Variants in PRKN observed in about 807,000 individuals in gnomAD.
PRKN encodes the protein parkin RBR E3 ubiquitin protein ligase.
A neutral mutation model predicts 59.5 loss-of-function variants in PRKN; 56 were observed. The observed-to-expected ratio is 0.94, with a 90% CI of 0.76 to 1.18. The LOEUF is 1.18. Among genes scored for constraint, PRKN ranks in the 50% most tolerant of loss-of-function variants. The pLI, the probability that PRKN is intolerant of heterozygous loss-of-function variation, is 0.00. For missense variants in PRKN, 657 were observed against 596.4 expected (o/e 1.10, Z -1.06); for synonymous variants, 250 against 222.1 (o/e 1.13, Z -1.12).
At chr6:161,392,030 G>A (rs1003038828) in intron 9 of PRKN, among the ~76,000 whole-genome samples, 2 of 152,004 alleles carry the variant, frequency 1.3e-5, no homozygotes, top group African/African-American at 2.4e-5. Flanking sequence ...GTGTGTATGT[G>A]TATGTATATT....
At chr6:162,033,452 T>TTA (rs1451347191) in intron 5 of PRKN, among the ~76,000 whole-genome samples, 2 of 152,212 alleles carry the variant, frequency 1.3e-5, no homozygotes, top group African/African-American at 4.8e-5. Context: ...AATGCATACT[T>TTA]TATATATATG....
intron 7 of PRKN, among the ~76,000 whole-genome samples, chr6:161,750,672 CAGG>C (rs1788651961): frequency 6.6e-6 from 1 of 150,904 alleles, no homozygotes; most frequent in African/African-American, 2.4e-5. Context: ...GAGGCTGAGG[CAGG>C]AGAATTGCTT....
At chr6:161,629,202 A>G (rs1562568837) in intron 7 of PRKN, among the ~76,000 whole-genome samples, 1 of 152,178 alleles carries the variant, frequency 6.6e-6, no homozygotes, top group Non-Finnish European at 1.5e-5. Context: ...CGTTTGCTCA[A>G]AAATGGGACC....
chr6:161,695,898 A>G (rs1329806870), intron 7 of PRKN, among the ~76,000 whole-genome samples: 1 of 152,260 alleles, frequency 6.6e-6, no homozygotes, highest in Non-Finnish European at 1.5e-5. Flanking sequence ...ATTTTAAGCA[A>G]ATAGACGATG....
intron 6 of PRKN, among the ~76,000 whole-genome samples, chr6:161,956,014 T>C (rs1018580960): frequency 3.3e-5 from 5 of 152,330 alleles, no homozygotes; most frequent in Admixed American, 1.3e-4. Flanking sequence ...TCAAGACCTG[T>C]TGGTTCAAGT....
At chr6:162,083,548 TAA>T (rs1250216824) in intron 4 of PRKN, among the ~76,000 whole-genome samples, 1 of 152,110 alleles carries the variant, frequency 6.6e-6, no homozygotes, top group Non-Finnish European at 1.5e-5. Context: ...GTAGCATGAA[TAA>T]TGCTTTTTAT....
chr6:162,364,493 A>AAAAG lies in PRKN; in HGVS notation c.171+78813_171+78816dup, dbSNP rs1049837065. 1.2e-4 allele frequency among the ~76,000 whole-genome samples: 18 copies of AAAAG among 152,302 alleles called. 1 individual carries two copies. The highest frequency in any genetic ancestry group is 1.0e-3 in the Admixed American group (16 of 15,290). ...AATAAAAACATAAAATAAATAAAATAAAAGAAAGAAAGAAAGTATCTACTT... is the reference window on the plus strand; with the variant it reads ...AATAAAAACATAAAATAAATAAAATAAAAGAAAGAAAGAAAGAAAGTATCTACTT... On this transcript the variant is annotated intron_variant, in intron 2 of 11. Transcript: ENST00000366898.
intron 1 of PRKN, among the ~76,000 whole-genome samples, chr6:162,631,415 G>A (rs964619344): frequency 6.6e-6 from 1 of 152,124 alleles, no homozygotes; most frequent in Non-Finnish European, 1.5e-5. Context: ...TTCCTTATAA[G>A]AAGGGTGCTT....
At chr6:161,350,803 T>A (rs1012492167) in intron 11 of PRKN, among the ~76,000 whole-genome samples, 3 of 30,494 alleles carry the variant, frequency 9.8e-5, no homozygotes, top group Non-Finnish European at 1.5e-4. Context: ...ATTTAAAATA[T>A]ATATATTTTT....
chr6:161,917,397 C>T (rs762141152), intron 6 of PRKN, among the ~76,000 whole-genome samples: 5 of 152,160 alleles, frequency 3.3e-5, no homozygotes, highest in Non-Finnish European at 7.3e-5. Flanking sequence ...TGAGCCACTG[C>T]ACCCGGCCGA....
At chr6:161,873,987 TGTAAAATATAA>T (rs1562353464) in intron 6 of PRKN, among the ~76,000 whole-genome samples, 8 of 97,090 alleles carry the variant, frequency 8.2e-5, no homozygotes, top group East Asian at 2.4e-4. Context: ...AAAATATATA[TGTAAAATATAA>T]TATATAAAAT....
rs114535238 is a variant in PRKN at position 162,001,237 on chromosome 6, A to T, written c.619-27820T>A. On this transcript the variant is annotated intron_variant, in intron 5 of 11. Coordinates refer to ENST00000366898, the MANE Select transcript of PRKN (RefSeq NM_004562.3). Reference sequence around the variant, plus strand: ...TTGACTCTAGATAAAATTGGGAAGAATTAACATTCTGACAATATTGAGTCC... The same window carrying T: ...TTGACTCTAGATAAAATTGGGAAGATTTAACATTCTGACAATATTGAGTCC... Among the ~76,000 whole-genome samples the T allele has an allele frequency of 6.6e-3, 1,002 of 152,200 alleles. 12 individuals are homozygous for T. The highest frequency in any genetic ancestry group is 0.022 in the African/African-American group (923 of 41,542).
rs1433385523 is a variant in PRKN, at chr6:162,443,368, G to A, written c.113C>T (p.Ala38Val). The change falls in exon 2 of 12, where the codon GCT becomes GTT. Residue 38 changes from alanine to valine, a missense_variant. Coordinates refer to ENST00000366898, the MANE Select transcript of PRKN (RefSeq NM_004562.3). ...EVVAKRQGVP[A>V]DQLRVIFAGK... Reference sequence around the variant, plus strand: ...TGCGAAAATCACACGCAACTGGTCAGCCGGAACCCCCTGTCGCTTAGCAAC... The same window carrying A: ...TGCGAAAATCACACGCAACTGGTCAACCGGAACCCCCTGTCGCTTAGCAAC... The A allele has an allele frequency of 3.1e-6, 5 of 1,613,526 alleles. No individual in the cohort carries two copies. Among genetic ancestry groups the A allele is most frequent in the Non-Finnish European group, 4.2e-6 (5 of 1,180,028 alleles).
At chr6:162,359,079 A>AAAAAAAAAAAAAAT (rs57265104) in intron 2 of PRKN, among the ~76,000 whole-genome samples, 1 of 83,274 alleles carries the variant, frequency 1.2e-5, no homozygotes, top group African/African-American at 7.3e-5. Flanking sequence ...AAAAAAAAAA[A>AAAAAAAAAAAAAAT]ATATATATAT....
At chr6:162,160,015 AG>A (rs1170574740) in intron 4 of PRKN, among the ~76,000 whole-genome samples, 3 of 152,216 alleles carry the variant, frequency 2.0e-5, no homozygotes, top group Non-Finnish European at 4.4e-5. Flanking sequence ...TAACACCAAA[AG>A]AATGATCCAC....
At chr6:161,656,986 C>G (rs1784372208) in intron 7 of PRKN, among the ~76,000 whole-genome samples, 1 of 152,164 alleles carries the variant, frequency 6.6e-6, no homozygotes, top group Non-Finnish European at 1.5e-5. Context: ...TTGGCGCCAA[C>G]AGATTCTCCA....
chr6:162,645,714 C>A (rs901155163), intron 1 of PRKN, among the ~76,000 whole-genome samples: 5 of 152,072 alleles, frequency 3.3e-5, no homozygotes, highest in Non-Finnish European at 7.4e-5. Flanking sequence ...ATCAACAAAT[C>A]GGATATAACT....
intron 6 of PRKN, among the ~76,000 whole-genome samples, chr6:161,873,754 C>G (rs1220363331): frequency 6.6e-6 from 1 of 151,114 alleles, no homozygotes; most frequent in African/African-American, 2.4e-5. Flanking sequence ...GCCCTATTTC[C>G]CCTACTATTA....
At chr6:162,413,910 G>A (rs1406550213) in intron 2 of PRKN, among the ~76,000 whole-genome samples, 10 of 152,116 alleles carry the variant, frequency 6.6e-5, no homozygotes, top group African/African-American at 9.7e-5. Flanking sequence ...GGCTGGGCGC[G>A]GTGGCTCACG....
Sources: gnomAD v4.1 joint callset for allele counts (sites outside exome capture counted in the v4.1 genomes callset) on GRCh38, gnomAD v4.1.1 for gene constraint, MANE v1.5 for transcripts, NCBI Gene and HGNC (gene_info 2026-07-23, HGNC 2026-07-21) for gene names.